EPB41: variants seen among roughly 807,000 people sequenced by gnomAD.
EPB41 encodes the protein protein 4.1.
EPB41 carries 65 observed loss-of-function variants against 108.0 expected under a neutral mutation model. The observed-to-expected ratio is 0.60, with a 90% CI of 0.49 to 0.74. The LOEUF is 0.74. Among genes scored for constraint, EPB41 ranks in the 30% least tolerant of loss-of-function variants. The pLI is 0.00. For missense variants in EPB41, 875 were observed against 1,037.0 expected, an observed-to-expected ratio of 0.84 and a Z score of 2.15; for synonymous variants, 336 against 358.9, an observed-to-expected ratio of 0.94 and a Z score of 0.72.
At chr1:29,005,341 ATC>A (rs1035693075) in intron 4 of EPB41, among the ~76,000 whole-genome samples, 1 of 152,106 alleles carries the variant, frequency 6.6e-6, no homozygotes, top group African/African-American at 2.4e-5. Context: ...TGATCCAGTC[ATC>A]TCCCACCAAG....
At chr1:28,942,825 A>ACCC (rs1381119831) in intron 1 of EPB41, among the ~76,000 whole-genome samples, 1 of 152,152 alleles carries the variant, frequency 6.6e-6, no homozygotes, top group African/African-American at 2.4e-5. Flanking sequence ...CTATCCTGGA[A>ACCC]CCCCAGCCAT....
intron 1 of EPB41, among the ~76,000 whole-genome samples, chr1:28,907,205 C>T (rs590514): frequency 0.3 from 45,402 of 151,674 alleles, 8,182 homozygotes; most frequent in East Asian, 0.85. Flanking sequence ...GCTGGGATTA[C>T]AGGTGCCCGC....
chr1:29,090,966 A>G (rs1016909790), intron 16 of EPB41, among the ~76,000 whole-genome samples: 2 of 152,180 alleles, frequency 1.3e-5, no homozygotes, highest in Non-Finnish European at 2.9e-5. Context: ...CCCAACTGTT[A>G]TGTTTTTCTT....
chr1:29,061,331 G>A (rs567497039), intron 15 of EPB41, among the ~76,000 whole-genome samples: 115 of 152,054 alleles, frequency 7.6e-4, no homozygotes, highest in Non-Finnish European at 1.1e-3. Context: ...GTGTAGTGGC[G>A]TGATCTCAGC....
intron 1 of EPB41, among the ~76,000 whole-genome samples, chr1:28,956,016 C>T (rs2094936304): frequency 6.6e-6 from 1 of 152,176 alleles, no homozygotes; most frequent in Non-Finnish European, 1.5e-5. Flanking sequence ...CATAATTCTA[C>T]TTAATCTCAA....
At chr1:29,020,984 A>G (rs2096637063) in intron 7 of EPB41, among the ~76,000 whole-genome samples, 1 of 152,162 alleles carries the variant, frequency 6.6e-6, no homozygotes, top group African/African-American at 2.4e-5. Context: ...ATAGAATCTC[A>G]GGTTTGAGAG....
At chr1:28,915,402 C>A (rs1392327110) in intron 1 of EPB41, among the ~76,000 whole-genome samples, 1 of 152,180 alleles carries the variant, frequency 6.6e-6, no homozygotes, top group South Asian at 2.1e-4. Context: ...AAATCTTCCT[C>A]CGTGCTCGCT....
intron 6 of EPB41, among the ~76,000 whole-genome samples, chr1:29,017,448 A>G (rs2096591640): frequency 6.6e-6 from 1 of 152,212 alleles, no homozygotes; most frequent in South Asian, 2.1e-4. Flanking sequence ...CGTTACACTG[A>G]TGGAGAGAAA....
At chr1:28,908,929 G>A (rs2092048807) in intron 1 of EPB41, among the ~76,000 whole-genome samples, 1 of 151,164 alleles carries the variant, frequency 6.6e-6, no homozygotes, top group Admixed American at 6.6e-5. Context: ...TTGGGAGGCC[G>A]AGGCAGGCGG....
At chr1:28,974,197 G>T (rs183897665) in intron 1 of EPB41, among the ~76,000 whole-genome samples, 1 of 152,278 alleles carries the variant, frequency 6.6e-6, no homozygotes, top group East Asian at 1.9e-4. Context: ...GAACTGAGGG[G>T]CTGTTACTGT....
chr1:29,015,514 G>T (rs918262632), intron 5 of EPB41, among the ~76,000 whole-genome samples, 178 bp from the exon 6 acceptor site: 1 of 151,414 alleles, frequency 6.6e-6, no homozygotes, highest in African/African-American at 2.4e-5. Flanking sequence ...CAGAGATCAC[G>T]CTAGATCACG....
chr1:29,058,889 A>T (rs978082587), intron 14 of EPB41, 37 bp downstream of exon 14: 3 of 1,512,622 alleles, frequency 2.0e-6, no homozygotes, highest in African/African-American at 2.8e-5. Context: ...CTACATTGCC[A>T]TTTCACCCAT....
chr1:28,929,839 CCTT>C (rs2093645554), intron 1 of EPB41, among the ~76,000 whole-genome samples: 1 of 123,714 alleles, frequency 8.1e-6, no homozygotes, highest in African/African-American at 3.4e-5. Flanking sequence ...TGGCACTGGG[CCTT>C]CTTTTTTTTT....
chr1:29,006,376 A>T (rs1044931864), intron 4 of EPB41, among the ~76,000 whole-genome samples: 5 of 151,372 alleles, frequency 3.3e-5, no homozygotes, highest in Admixed American at 3.3e-4. Flanking sequence ...AGCTGGTACT[A>T]CAGGCGCCCG....
At chr1:28,919,963 C>T (rs984122790) in intron 1 of EPB41, among the ~76,000 whole-genome samples, 8 of 152,130 alleles carry the variant, frequency 5.3e-5, no homozygotes, top group African/African-American at 1.9e-4. Context: ...TAGCTGATGA[C>T]TCTTTGAGTC....
intron 16 of EPB41, among the ~76,000 whole-genome samples, chr1:29,093,520 T>G (rs1325686210): frequency 1.3e-5 from 2 of 152,238 alleles, no homozygotes; most frequent in East Asian, 1.9e-4. Context: ...ATAGTTTCTT[T>G]CACTGTGCAG....
At chr1:29,080,608 C>T (rs1656188938) in intron 16 of EPB41, among the ~76,000 whole-genome samples, 2 of 151,716 alleles carry the variant, frequency 1.3e-5, no homozygotes, top group African/African-American at 4.8e-5. Context: ...AGGCAGGTCT[C>T]AAACTCCTGA....
At position 29,058,827 on chromosome 1, in the gene EPB41, C is replaced by G; in HGVS notation, c.1919C>G (p.Thr640Ser). 1 of 1,549,372 alleles carries G rather than the reference C, an allele frequency of 6.5e-7. No homozygotes were observed. The highest frequency in any genetic ancestry group is 8.7e-7 in the Non-Finnish European group (1 of 1,146,364). Residue 640 changes from threonine (T) to serine (S), a missense_variant, in exon 14 of 21, where the codon ACT (threonine) becomes AGT (serine). Around this residue, in one of 3 missense-constraint regions of EPB41, gnomAD observed 519 missense variants for 627.3 expected, o/e 0.83. Coordinates refer to ENST00000343067, the MANE Select transcript of EPB41 (RefSeq NM_001376013.1). ...GDQTQKLAEK[T>S]EDLIRMRKKK... ...GCAAAACAGAAGCTTGCAGAAAAAACTGAAGATCTGATAAGAATGAGGAAG... is the reference window on the plus strand; with the variant it reads ...GCAAAACAGAAGCTTGCAGAAAAAAGTGAAGATCTGATAAGAATGAGGAAG...
At chr1:29,049,810 G>A (rs1644173886) in intron 11 of EPB41, among the ~76,000 whole-genome samples, 2 of 152,094 alleles carry the variant, frequency 1.3e-5, no homozygotes, top group South Asian at 4.1e-4. Flanking sequence ...CCTCAGATAT[G>A]GGAGATACTG....
Sources: gnomAD v4.1 joint callset for allele counts (sites outside exome capture counted in the v4.1 genomes callset) on GRCh38, gnomAD v4.1.1 for gene constraint, gnomAD v4.1.1 regional missense constraint, MANE v1.5 for transcripts, NCBI Gene and HGNC (gene_info 2026-07-23, HGNC 2026-07-21) for gene names.